The following TRAM2 variants were observed in gnomAD, a reference collection of about 807,000 sequenced individuals.
TRAM2 encodes the protein translocation associated membrane protein 2.
Under a neutral mutation model 51.0 loss-of-function variants are expected in TRAM2, and 12 were observed. That is an observed-to-expected ratio of 0.24 (90% CI 0.15 to 0.38). TRAM2 has a LOEUF of 0.38. TRAM2 is among the 10% of genes least tolerant of loss of function. TRAM2 has a pLI of 1.00. For missense variants in TRAM2, 361 were observed against 462.0 expected, an observed-to-expected ratio of 0.78 and a Z score of 2.00; for synonymous variants, 175 against 179.4, an observed-to-expected ratio of 0.98 and a Z score of 0.20.
chr6:52,555,217 C>A (rs998224433), intron 1 of TRAM2, among the ~76,000 whole-genome samples: 1 of 152,028 alleles, frequency 6.6e-6, no homozygotes, highest in African/African-American at 2.4e-5. Flanking sequence ...TGTCAAGCCC[C>A]CTCCTCCTGC....
chr6:52,573,764 T>C (rs1183319283), intron 1 of TRAM2, among the ~76,000 whole-genome samples: 2 of 152,030 alleles, frequency 1.3e-5, no homozygotes, highest in Non-Finnish European at 2.9e-5. Flanking sequence ...AGAAGCCCCC[T>C]GAATGCAGAA....
At chr6:52,539,445 G>A (rs1767037563) in intron 1 of TRAM2, among the ~76,000 whole-genome samples, 1 of 151,862 alleles carries the variant, frequency 6.6e-6, no homozygotes, top group African/African-American at 2.4e-5. Flanking sequence ...AAATAATAAG[G>A]ATCAAACGTA....
chr6:52,517,028 G>C, intron 2 of TRAM2: 1 of 350,796 alleles, frequency 2.9e-6, no homozygotes, highest in Non-Finnish European at 5.3e-6. Context: ...GCCAGGGTTA[G>C]AGACCACCAA....
intron 1 of TRAM2, among the ~76,000 whole-genome samples, chr6:52,560,369 G>A (rs890548521): frequency 8.5e-5 from 13 of 152,136 alleles, no homozygotes; most frequent in Admixed American, 3.9e-4. Context: ...TCCAGGTGTT[G>A]CCTGTGCATA....
chr6:52,528,712 C>A (rs1229962986), intron 2 of TRAM2, among the ~76,000 whole-genome samples: 1 of 152,228 alleles, frequency 6.6e-6, no homozygotes, highest in South Asian at 2.1e-4. Flanking sequence ...AACTGGGATC[C>A]TCAGGGCTCT....
intron 4 of TRAM2, among the ~76,000 whole-genome samples, chr6:52,510,373 G>A (rs888164954): frequency 3.3e-5 from 5 of 152,202 alleles, no homozygotes; most frequent in African/African-American, 1.2e-4. Context: ...AAAGAGCTGA[G>A]CTCACAGTAA....
In TRAM2 at chr6:52,505,623, C is replaced by T; in HGVS notation, c.851G>A (p.Gly284Glu). 6.2e-7 allele frequency: 1 copy of T among 1,612,994 alleles called. No individual in the cohort carries two copies. The highest frequency in any genetic ancestry group is 8.5e-7 in the Non-Finnish European group (1 of 1,179,244). Residue 284 changes from glycine (G) to glutamate (E), a missense_variant, in exon 9 of 11, where the codon GGG becomes GAG. Gly to Glu is a moderately conservative substitution (Grantham distance 98). Coordinates refer to ENST00000182527, the MANE Select transcript of TRAM2 (RefSeq NM_012288.4). ...CCTGCAAAACAAAGTGTTGAAGTTC[C>T]CTTTCTCGGGATCAAATGCCTGGTT... is the stretch of plus-strand genomic sequence containing the variant. ...MENQAFDPEK[G>E]NFNTLFCRLC...
intron 2 of TRAM2, among the ~76,000 whole-genome samples, chr6:52,531,549 T>C (rs1489045889): frequency 6.6e-6 from 1 of 152,208 alleles, no homozygotes; most frequent in Non-Finnish European, 1.5e-5. Flanking sequence ...AATTCAATAG[T>C]GCCACCCTGG....
chr6:52,506,418 A>T (rs539673751), intron 7 of TRAM2, among the ~76,000 whole-genome samples: 1 of 152,198 alleles, frequency 6.6e-6, no homozygotes, highest in African/African-American at 2.4e-5. Flanking sequence ...CACAGTACTT[A>T]GCACCTTGCA....
In TRAM2 at chr6:52,518,707, C is replaced by T. The variant is rs561759056; in HGVS notation, c.185-1970G>A. 5.9e-5 allele frequency among the ~76,000 whole-genome samples: 9 copies of T among 152,262 alleles called. No homozygotes were observed. In the East Asian group the frequency reaches 1.7e-3, roughly 29 times the overall value. ...AGGCACTGAACACCCGAGGAGAAGA[C>T]ACGAAGATGAGGGAGAGGAGACTCA... On this transcript the variant is annotated intron_variant, in intron 2 of 10. Transcript: ENST00000182527.
rs998706866 is a variant in TRAM2, at chr6:52,516,830, A to G, written c.185-93T>C. ...AATGAGATGGGAGGCGAAATGCGCC[A>G]TCAAATGCTACCCGTTTGCTATAGC... On this transcript the variant is annotated intron_variant, in intron 2 of 10. Coordinates refer to ENST00000182527, the MANE Select transcript of TRAM2 (RefSeq NM_012288.4). 371 of 948,134 alleles carry G rather than the reference A, an allele frequency of 3.9e-4. 1 individual carries two copies. The Admixed American group carries it at 6.6e-3, about 17-fold the overall frequency. The allele number at this position is 948,134 out of a possible 1,614,324, so 58.7% of individuals were successfully genotyped here. A position where few individuals can be genotyped will look rare whatever the true frequency, so the allele number is the denominator to read the frequency against.
chr6:52,567,914 C>T (rs1767614298), intron 1 of TRAM2, among the ~76,000 whole-genome samples: 1 of 152,252 alleles, frequency 6.6e-6, no homozygotes, highest in Non-Finnish European at 1.5e-5. Flanking sequence ...CTAGCTACTA[C>T]TCCTAAATCT....
At chr6:52,532,791 TTCA>T (rs1402157675) in intron 2 of TRAM2, among the ~76,000 whole-genome samples, 4 of 151,428 alleles carry the variant, frequency 2.6e-5, no homozygotes, top group East Asian at 1.9e-4. Flanking sequence ...CACAAAAAGG[TTCA>T]TCATATTATA....
In TRAM2 at chr6:52,526,379, G is replaced by C. The variant is rs918759956; in HGVS notation, c.184+9404C>G. Among the ~76,000 whole-genome samples, 4 of 152,142 alleles carry C rather than the reference G, an allele frequency of 2.6e-5. No homozygotes were observed. The East Asian group carries it at 7.7e-4, about 29-fold the overall frequency. ...ATGAATGAAGGGCTGAAGAGAAGTT[G>C]ATAAGATCCCAGGTTTCTGCATTGC... On this transcript the variant is annotated intron_variant, in intron 2 of 10. Transcript: ENST00000182527.
chr6:52,545,206 C>T (rs572332202), intron 1 of TRAM2, among the ~76,000 whole-genome samples: 8 of 152,318 alleles, frequency 5.3e-5, no homozygotes, highest in African/African-American at 1.9e-4. Context: ...GCTGGACCCC[C>T]ATCTGAACTC....
Position 52,533,759 on chromosome 6 carries a change from A to C in TRAM2, c.184+2024T>G, listed in dbSNP as rs535050803. Among the ~76,000 whole-genome samples, 8 of 152,348 alleles carry C rather than the reference A, an allele frequency of 5.3e-5. No homozygotes were observed. In the East Asian group the frequency reaches 1.5e-3, roughly 29 times the overall value. ...GCTGGCAGAGCCAGACAAGGAAAAG[A>C]ATCTCACCTTAAAGTCAAGACAAGT... On this transcript the variant is annotated intron_variant, in intron 2 of 10. Transcript: ENST00000182527.
chr6:52,560,535 C>T (rs1213623031), intron 1 of TRAM2, among the ~76,000 whole-genome samples: 1 of 152,226 alleles, frequency 6.6e-6, no homozygotes, highest in Non-Finnish European at 1.5e-5. Context: ...GGCTATACCA[C>T]AATTTACCTA....
intron 4 of TRAM2, among the ~76,000 whole-genome samples, chr6:52,514,096 G>A (rs1315627930): frequency 6.6e-6 from 1 of 152,000 alleles, no homozygotes; most frequent in African/African-American, 2.4e-5. Context: ...ATCTCCCCTG[G>A]TCAAAGGTCA....
At chr6:52,571,486 G>C (rs1767680810) in intron 1 of TRAM2, among the ~76,000 whole-genome samples, 1 of 152,192 alleles carries the variant, frequency 6.6e-6, no homozygotes, top group Non-Finnish European at 1.5e-5. Flanking sequence ...CAACAGAGCA[G>C]GCAAGAGAAA....
Sources: gnomAD v4.1 joint callset for allele counts (sites outside exome capture counted in the v4.1 genomes callset) on GRCh38, gnomAD v4.1.1 for gene constraint, MANE v1.5 for transcripts, NCBI Gene and HGNC (gene_info 2026-07-23, HGNC 2026-07-21) for gene names.